The following LRRC71 variants were observed in gnomAD, a reference collection of about 807,000 sequenced individuals.
LRRC71 encodes the protein leucine-rich repeat-containing protein 71.
A neutral mutation model predicts 66.6 loss-of-function variants in LRRC71; 54 were observed. The ratio of observed to expected loss-of-function variants is 0.81; its 90% CI spans 0.65 to 1.02. The LOEUF (loss-of-function observed/expected upper bound fraction) is 1.02, where lower values mean the gene tolerates loss of function less well. Among genes scored for constraint, LRRC71 ranks in the 50% least tolerant of loss-of-function variants. The pLI is 0.00. For synonymous variants in LRRC71, 323 were observed against 303.9 expected, an observed-to-expected ratio of 1.06 and a Z score of -0.65; for missense variants, 724 against 718.0, an observed-to-expected ratio of 1.01 and a Z score of -0.10.
chr1:156,930,622 G>A lies in LRRC71; in HGVS notation c.1329+5G>A. The A allele has an allele frequency of 6.4e-7, 1 of 1,557,244 alleles. No individual in the cohort carries two copies. The highest frequency in any genetic ancestry group is 2.4e-5 in the East Asian group (1 of 41,262). Reference sequence around the variant, plus strand: ...AGCATCCTCCTGGAGTCCGAGGTAAGTTGCCAGGAGGAGTGGAGGCAGGGG... The same window carrying A: ...AGCATCCTCCTGGAGTCCGAGGTAAATTGCCAGGAGGAGTGGAGGCAGGGG... On this transcript the variant is annotated splice_donor_5th_base_variant and intron_variant, in intron 12 of 14. Transcript: ENST00000337428.
chr1:156,930,593 G>A lies in LRRC71; in HGVS notation c.1305G>A (p.Lys435=), dbSNP rs1487305257. The A allele has an allele frequency of 1.3e-6, 2 of 1,566,876 alleles. No individual in the cohort carries two copies. Among genetic ancestry groups the A allele is most frequent in the South Asian group, 1.2e-5 (1 of 84,800 alleles). The change falls in exon 12 of 15, where the codon AAG becomes AAA. Residue 435 remains lysine, a synonymous_variant. Transcript: ENST00000337428. ...AKGIKIGSRE[K]RSILLESELV... Reference sequence around the variant, plus strand: ...GGATCAAGATCGGGAGCAGAGAGAAGCGCAGCATCCTCCTGGAGTCCGAGG... The same window carrying A: ...GGATCAAGATCGGGAGCAGAGAGAAACGCAGCATCCTCCTGGAGTCCGAGG...
the LRRC71 span, chr1:156,939,908 C>T: frequency 1.2e-6 from 2 of 1,601,782 alleles, no homozygotes; most frequent in South Asian, 2.2e-5. Flanking sequence ...CGCAGGTTCT[C>T]CACTGGAGGG....
the LRRC71 span, chr1:156,938,381 C>T: frequency 6.3e-7 from 1 of 1,597,498 alleles, no homozygotes; most frequent in Non-Finnish European, 8.6e-7. Flanking sequence ...ACACTCCAGT[C>T]TTGGCCTGTC....
chr1:156,923,945 G>A lies in LRRC71; in HGVS notation c.161-4G>A, dbSNP rs770379280. On this transcript the variant is annotated splice_region_variant and splice_polypyrimidine_tract_variant and intron_variant, in intron 1 of 14. Coordinates refer to ENST00000337428, the MANE Select transcript of LRRC71 (RefSeq NM_144702.3). ...TTCTCTCACGCCCCTGCCTGCCCCC[G>A]CAGAGGAGTACCAGTGCTCCGGGGT... 1.5e-5 allele frequency: 23 copies of A among 1,489,086 alleles called. No homozygotes were observed. The South Asian group carries it at 2.7e-4, about 17-fold the overall frequency. 92.2% of individuals were successfully genotyped at this position (1,489,086 alleles called of 1,614,324 possible). A position where few individuals can be genotyped will look rare whatever the true frequency, so the allele number is the denominator to read the frequency against.
chr1:156,927,725 C>T lies in LRRC71; in HGVS notation c.823-8C>T. ...TGGGCGGCTCACGCGTCCCTGCCCGCCTCTTAGGGCCTCCGGCTGAACCGT... is the reference window on the plus strand; with the variant it reads ...TGGGCGGCTCACGCGTCCCTGCCCGTCTCTTAGGGCCTCCGGCTGAACCGT... On this transcript the variant is annotated splice_region_variant and splice_polypyrimidine_tract_variant and intron_variant, in intron 7 of 14. Transcript: ENST00000337428. 6.2e-7 allele frequency: 1 copy of T among 1,608,242 alleles called. No individual in the cohort carries two copies. The highest frequency in any genetic ancestry group is 8.5e-7 in the Non-Finnish European group (1 of 1,179,650).
rs1337447107 is a variant in LRRC71 at position 156,931,989 on chromosome 1, T to C, written c.1403T>C (p.Met468Thr). Residue 468 changes from methionine to threonine, a missense_variant, in exon 13 of 15, where the codon ATG becomes ACG. Transcript: ENST00000337428. ...PVEHRDGKVF[M>T]PGNKVLLHLN... is the part of the protein sequence containing the mutation. The stretch of plus-strand genomic sequence containing the variant: ...GAGCACCGAGATGGGAAAGTTTTCA[T>C]GCCTGGGAACAAGGTCCTTTTGCAC... 39 of 1,601,064 alleles carry C rather than the reference T, an allele frequency of 2.4e-5. No individual in the cohort carries two copies. The highest frequency in any genetic ancestry group is 3.2e-5 in the Non-Finnish European group (37 of 1,173,624).
At chr1:156,936,497 A>AAAATATATATAT (rs370282821), downstream of LRRC71, among the ~76,000 whole-genome samples, 3 of 33,932 alleles carry the variant, frequency 8.8e-5, no homozygotes, top group South Asian at 1.6e-3. Flanking sequence ...AAAAAAAAAA[A>AAAATATATATAT]ATATATATAT....
In LRRC71 at chr1:156,932,559, ACTCT is replaced by A. The variant is rs747664406; in HGVS notation, c.1563+18_1563+21del. On this transcript the variant is annotated intron_variant, in intron 14 of 14. Coordinates refer to ENST00000337428, the MANE Select transcript of LRRC71 (RefSeq NM_144702.3). The stretch of plus-strand genomic sequence containing the variant: ...CTGTCCCTGGCTGTGAGTCCCTTTC[ACTCT>A]CTCCTGCTGAAGCAGACGTTGCCCC... 1 of 1,613,720 alleles carries A rather than the reference ACTCT, an allele frequency of 6.2e-7. No homozygotes were observed. The highest frequency in any genetic ancestry group is 1.1e-5 in the South Asian group (1 of 91,062).
At chr1:156,937,361 C>G, downstream of LRRC71, 1 of 1,611,954 alleles carries the variant, frequency 6.2e-7, no homozygotes, top group Non-Finnish European at 8.5e-7. Context: ...ATCATCGTTG[C>G]CTCCCTGCAG....
chr1:156,920,872 T>C lies in LRRC71; in HGVS notation c.69T>C (p.Ser23=), dbSNP rs1164857771. 5 of 1,542,832 alleles carry C rather than the reference T, an allele frequency of 3.2e-6. No homozygotes were observed. In the South Asian group the frequency reaches 3.6e-5, roughly 11 times the overall value. ...CGCGTCCGGGGACCCAGAAGTCTTCTGGCGCGGTGACCAAAAAGGGAGAGC... is the reference window on the plus strand; with the variant it reads ...CGCGTCCGGGGACCCAGAAGTCTTCCGGCGCGGTGACCAAAAAGGGAGAGC... ...RAPRPGTQKS[S]GAVTKKGERA... Residue 23 remains serine, a synonymous_variant, in exon 1 of 15, where the codon TCT becomes TCC. Transcript: ENST00000337428. This position sits in a 1 kb window ranked among gnomAD's most constrained non-coding sequence, Gnocchi z 4.9.
chr1:156,928,351 C>CTTCTTCTTCT (rs1553188822), intron 9 of LRRC71, among the ~76,000 whole-genome samples: 4 of 71,966 alleles, frequency 5.6e-5, no homozygotes, highest in African/African-American at 2.0e-4. Flanking sequence ...TTCTTTCTTT[C>CTTCTTCTTCT]TCTTCTTCTT....
At chr1:156,929,554 T>G (rs1653955436) in intron 10 of LRRC71, 82 bp from the exon 11 acceptor site, 2 of 1,537,240 alleles carry the variant, frequency 1.3e-6, no homozygotes, top group Non-Finnish European at 1.8e-6. Context: ...AGGCCCCGGG[T>G]CCTAACCTGG....
chr1:156,924,983 C>G lies in LRRC71; in HGVS notation c.561C>G (p.Ile187Met). 1 of 1,551,692 alleles carries G rather than the reference C, an allele frequency of 6.4e-7. No homozygotes were observed. Among genetic ancestry groups the G allele is most frequent in the Non-Finnish European group, 8.7e-7 (1 of 1,146,994 alleles). Residue 187 changes from isoleucine to methionine, a missense_variant, in exon 5 of 15, where the codon ATC becomes ATG. Ile to Met is a conservative substitution (Grantham distance 10, BLOSUM62 1). Transcript: ENST00000337428. The stretch of plus-strand genomic sequence containing the variant: ...CCGATAAGACCCTGACCACCTTCAT[C>G]GAGCTCCTGCCTCTCTGTTCATCCA... ...GLTDKTLTTF[I>M]ELLPLCSSTL...
chr1:156,926,581 C>CTT (rs60071581), intron 5 of LRRC71, among the ~76,000 whole-genome samples: 8 of 135,576 alleles, frequency 5.9e-5, no homozygotes, highest in Non-Finnish European at 7.7e-5. Context: ...CCCACCTCTT[C>CTT]TTTTTTTTTT....
chr1:156,939,034 C>T, the LRRC71 span: 2 of 200,018 alleles, frequency 1.0e-5, no homozygotes, highest in South Asian at 9.5e-5. Context: ...TTGTTCACTC[C>T]CCACATCCCT....
downstream of LRRC71, chr1:156,936,311 C>T (rs1334826260): frequency 6.1e-6 from 4 of 658,452 alleles, no homozygotes; most frequent in Non-Finnish European, 1.2e-5. Flanking sequence ...CCCTGGCCCA[C>T]CCAGTGTGGT....
the LRRC71 span, chr1:156,939,022 C>T: frequency 5.2e-6 from 1 of 193,692 alleles, no homozygotes; most frequent in Non-Finnish European, 1.0e-5. Context: ...CTCCCTGCCA[C>T]CTTGTTCACT....
chr1:156,924,191 G>A, intron 2 of LRRC71, 93 bp downstream of exon 2: 1 of 1,416,896 alleles, frequency 7.1e-7, no homozygotes, highest in Non-Finnish European at 9.6e-7. Context: ...AGGGACGCGG[G>A]GCGGTGTGTG....
chr1:156,932,434 C>T lies in LRRC71; in HGVS notation c.1452C>T (p.Ile484=). The change falls in exon 14 of 15, where the codon ATC becomes ATT. Residue 484 remains isoleucine, a synonymous_variant. Transcript: ENST00000337428. Reference sequence around the variant, plus strand: ...TGTAACTTCCACCAGGGAACCGCATCACAGAGGTGGGGCTGGAGGGCTTCC... The same window carrying T: ...TGTAACTTCCACCAGGGAACCGCATTACAGAGGTGGGGCTGGAGGGCTTCC... The part of the protein sequence containing the change: ...LLHLNLIRNR[I]TEVGLEGFLA... 2 of 1,613,242 alleles carry T rather than the reference C, an allele frequency of 1.2e-6. No individual in the cohort carries two copies. Among genetic ancestry groups the T allele is most frequent in the Non-Finnish European group, 8.5e-7 (1 of 1,179,764 alleles).
Sources: allele counts gnomAD v4.1 joint callset (sites outside exome capture counted in the v4.1 genomes callset), GRCh38; gene constraint gnomAD v4.1.1; non-coding constraint Gnocchi (gnomAD v3.1); transcripts MANE v1.5; gene names NCBI Gene and HGNC (gene_info 2026-07-23, HGNC 2026-07-21).